Variants in PAM observed in about 807,000 individuals in gnomAD.
PAM encodes peptidyl-glycine alpha-amidating monooxygenase.
A neutral mutation model predicts 122.1 loss-of-function variants in PAM; 72 were observed. The ratio of observed to expected loss-of-function variants is 0.59; its 90% CI spans 0.49 to 0.72. PAM has a LOEUF of 0.72. PAM is among the 30% of genes least tolerant of loss of function. The pLI, the probability that PAM is intolerant of heterozygous loss-of-function variation, is 0.00. For missense variants in PAM, 1,106 were observed against 1,183.7 expected, an observed-to-expected ratio of 0.93 and a Z score of 0.96; for synonymous variants, 389 against 404.4, an observed-to-expected ratio of 0.96 and a Z score of 0.46.
intron 1 of PAM, among the ~76,000 whole-genome samples, chr5:102,771,490 C>G (rs927402947): frequency 6.6e-6 from 1 of 152,102 alleles, no homozygotes; most frequent in Non-Finnish European, 1.5e-5. Flanking sequence ...ATTCAAGCTA[C>G]CAACTTTGCA....
intron 1 of PAM, among the ~76,000 whole-genome samples, chr5:102,801,063 T>A (rs258146): frequency 0.59 from 89,960 of 151,888 alleles, 27,260 homozygotes; most frequent in South Asian, 0.77. Context: ...CAACTGTAGC[T>A]TTCTTTTTGT....
intron 1 of PAM, among the ~76,000 whole-genome samples, chr5:102,809,226 T>C (rs886215453): frequency 6.6e-6 from 1 of 151,780 alleles, no homozygotes. Context: ...CTGTGAAGAA[T>C]GTAATACTTG....
At chr5:102,883,070 G>A (rs1212874710) in intron 3 of PAM, among the ~76,000 whole-genome samples, 1 of 151,756 alleles carries the variant, frequency 6.6e-6, no homozygotes, top group African/African-American at 2.4e-5. Context: ...TTGTTCCATT[G>A]GTCTATGTGC....
intron 1 of PAM, among the ~76,000 whole-genome samples, chr5:102,819,624 A>G (rs1006981511): frequency 1.3e-5 from 2 of 152,180 alleles, no homozygotes; most frequent in Non-Finnish European, 2.9e-5. Context: ...GCAATAAAAT[A>G]GAAATATTTT....
chr5:102,906,552 C>T (rs544724678), intron 4 of PAM, among the ~76,000 whole-genome samples: 142 of 151,814 alleles, frequency 9.4e-4, no homozygotes, highest in Non-Finnish European at 1.8e-3. Context: ...ACTCCACATT[C>T]AGATCCCAGC....
At chr5:102,868,859 A>C (rs1786444005) in intron 3 of PAM, among the ~76,000 whole-genome samples, 1 of 152,234 alleles carries the variant, frequency 6.6e-6, no homozygotes, top group African/African-American at 2.4e-5. Context: ...TGATGGGGTC[A>C]GTAATCTCAG....
intron 7 of PAM, among the ~76,000 whole-genome samples, chr5:102,927,012 G>A (rs1253630671): frequency 1.3e-5 from 2 of 151,992 alleles, no homozygotes; most frequent in African/African-American, 4.8e-5. Context: ...GGTACTGGTT[G>A]TTTATATTTA....
intron 1 of PAM, among the ~76,000 whole-genome samples, chr5:102,757,786 A>G (rs1750899999): frequency 6.6e-6 from 1 of 152,130 alleles, no homozygotes; most frequent in Non-Finnish European, 1.5e-5. Flanking sequence ...CATGCCTGTA[A>G]TCCCAACACT....
At chr5:102,836,858 C>CAG (rs745900009) in intron 1 of PAM, among the ~76,000 whole-genome samples, 7 of 50,036 alleles carry the variant, frequency 1.4e-4, no homozygotes, top group African/African-American at 6.8e-4. Context: ...AAGAAAGAAA[C>CAG]CGAGAGAGAG....
At chr5:102,925,578 C>T (rs1749143396) in intron 6 of PAM, among the ~76,000 whole-genome samples, 1 of 152,164 alleles carries the variant, frequency 6.6e-6, no homozygotes, top group Non-Finnish European at 1.5e-5. Flanking sequence ...TGTCGTGGTT[C>T]ATGGATGATC....
At chr5:102,902,856 C>T (rs1223306504) in intron 4 of PAM, among the ~76,000 whole-genome samples, 1 of 151,476 alleles carries the variant, frequency 6.6e-6, no homozygotes. Flanking sequence ...AGCAGTATTA[C>T]ACATCTCACA....
At chr5:102,768,360 A>C (rs1158239624) in intron 1 of PAM, among the ~76,000 whole-genome samples, 1 of 151,992 alleles carries the variant, frequency 6.6e-6, no homozygotes, top group Admixed American at 6.6e-5. Context: ...CTAATTGTAC[A>C]TTTTTAGTTA....
At chr5:102,780,807 CTTT>C in intron 1 of PAM, among the ~76,000 whole-genome samples, 1 of 141,888 alleles carries the variant, frequency 7.0e-6, no homozygotes, top group Admixed American at 7.2e-5. Context: ...TTCTTTCTTT[CTTT>C]CTTTCTTTCT....
At chr5:102,881,884 C>T (rs1484371007) in intron 3 of PAM, among the ~76,000 whole-genome samples, 1 of 146,072 alleles carries the variant, frequency 6.8e-6, no homozygotes, top group African/African-American at 2.7e-5. Context: ...CATTCTTATG[C>T]CTTTGCATCC....
At chr5:102,877,692 C>T (rs747028490) in intron 3 of PAM, among the ~76,000 whole-genome samples, 62 of 152,224 alleles carry the variant, frequency 4.1e-4, no homozygotes, top group Non-Finnish European at 6.6e-4. Context: ...AAAATTTATA[C>T]ACTATAGTCA....
At chr5:102,905,605 G>A (rs79344218) in intron 4 of PAM, among the ~76,000 whole-genome samples, 2,326 of 151,694 alleles carry the variant, frequency 0.015, 62 homozygotes, top group African/African-American at 0.054. Context: ...TAGATAGTAC[G>A]ACATAAAGAC....
rs2150060229 is a variant in PAM at position 102,949,471 on chromosome 5, T to C, written c.644-66T>C. 3 of 849,018 alleles carry C rather than the reference T, an allele frequency of 3.5e-6. No individual in the cohort carries two copies. In the South Asian group the frequency reaches 4.0e-5, roughly 11 times the overall value. The allele number at this position is 849,018 out of a possible 1,614,324, so 52.6% of individuals were successfully genotyped here. A position where few individuals can be genotyped will look rare whatever the true frequency, so the allele number is the denominator to read the frequency against. ...TCTTGTGAATACCCTATGCATAATT[T>C]TAGATAAGAATAATGTCATTTTCCA... On this transcript the variant is annotated intron_variant, in intron 9 of 25. Transcript: ENST00000438793.
intron 3 of PAM, among the ~76,000 whole-genome samples, chr5:102,878,630 A>G (rs946017517): frequency 6.6e-6 from 1 of 152,194 alleles, no homozygotes; most frequent in African/African-American, 2.4e-5. Flanking sequence ...CCAGGAGGAC[A>G]GGATGTGGAG....
At chr5:102,809,432 A>G (rs1173097934) in intron 1 of PAM, among the ~76,000 whole-genome samples, 1 of 152,140 alleles carries the variant, frequency 6.6e-6, no homozygotes, top group Non-Finnish European at 1.5e-5. Context: ...AGCAGTTTCT[A>G]ATTAATTAAT....
Sources: allele counts gnomAD v4.1 joint callset (sites outside exome capture counted in the v4.1 genomes callset), GRCh38; gene constraint gnomAD v4.1.1; transcripts MANE v1.5; gene names NCBI Gene and HGNC (gene_info 2026-07-23, HGNC 2026-07-21).